Variants in PALLD observed in about 807,000 individuals in gnomAD.
PALLD encodes palladin.
A neutral mutation model predicts 123.5 loss-of-function variants in PALLD; 61 were observed. That is an observed-to-expected ratio of 0.49 (90% CI 0.40 to 0.61). PALLD has a LOEUF of 0.61. PALLD is among the 20% of genes least tolerant of loss of function. The probability of loss-of-function intolerance (pLI) is 0.00; values close to 1 mark genes in which losing one functional copy is unlikely to be tolerated. For missense variants in PALLD, 1,273 were observed against 1,377.0 expected (o/e 0.92, Z 1.20); for synonymous variants, 465 against 496.4 (o/e 0.94, Z 0.84).
chr4:168,893,785 G>T (rs1006792105), intron 11 of PALLD, among the ~76,000 whole-genome samples: 1 of 152,164 alleles, frequency 6.6e-6, no homozygotes, highest in Non-Finnish European at 1.5e-5. Context: ...TAGGTAAAAC[G>T]GTTTGGGCCA....
intron 10 of PALLD, chr4:168,756,332 T>G: frequency 4.2e-6 from 1 of 236,904 alleles, no homozygotes; most frequent in South Asian, 5.4e-5. Context: ...ATCAGAACAT[T>G]TTGGATGGTA....
At chr4:168,767,380 T>C (rs1581371179) in intron 10 of PALLD, among the ~76,000 whole-genome samples, 1 of 152,124 alleles carries the variant, frequency 6.6e-6, no homozygotes, top group East Asian at 1.9e-4. Flanking sequence ...ACAATTAATA[T>C]ATATGCATAG....
At chr4:168,748,669 AACT>A (rs1373728055) in intron 10 of PALLD, among the ~76,000 whole-genome samples, 1 of 152,124 alleles carries the variant, frequency 6.6e-6, no homozygotes, top group Non-Finnish European at 1.5e-5. Context: ...CTGGAGGCTC[AACT>A]GGGGAAGAAT....
At chr4:168,581,195 T>C (rs1482323947) in intron 2 of PALLD, among the ~76,000 whole-genome samples, 1 of 152,230 alleles carries the variant, frequency 6.6e-6, no homozygotes, top group East Asian at 1.9e-4. Flanking sequence ...CTGTTGTAGA[T>C]AACACTACCA....
At chr4:168,626,632 G>A (rs1295661508) in intron 2 of PALLD, among the ~76,000 whole-genome samples, 2 of 150,886 alleles carry the variant, frequency 1.3e-5, no homozygotes, top group Admixed American at 6.6e-5. Context: ...GATCACTGGA[G>A]CCCTGGAGAT....
intron 17 of PALLD, among the ~76,000 whole-genome samples, chr4:168,921,253 A>G (rs1305584701): frequency 6.6e-6 from 1 of 151,756 alleles, no homozygotes; most frequent in Non-Finnish European, 1.5e-5. Context: ...TGAAAATACT[A>G]AAAATTAGGC....
rs146323057 is a variant in PALLD, at chr4:168,761,940, C to G, written c.1964+50017C>G. Among the ~76,000 whole-genome samples the G allele has an allele frequency of 3.6e-3, 546 of 152,118 alleles. 3 individuals carry two copies. The highest frequency in any genetic ancestry group is 0.013 in the African/African-American group (520 of 41,492). On this transcript the variant is annotated intron_variant, in intron 10 of 21. Coordinates refer to ENST00000505667, the MANE Select transcript of PALLD (RefSeq NM_001166108.2). The stretch of plus-strand genomic sequence containing the variant: ...TTAAGTTTTATCACTTTGTAATGCT[C>G]TCTTATTCTTCTCCAAACTCAGTCT...
chr4:168,699,999 T>TA (rs369270731), intron 8 of PALLD: 149 of 250,938 alleles, frequency 5.9e-4, no homozygotes, highest in African/African-American at 3.2e-3. Flanking sequence ...TTCCATTCCT[T>TA]ACCAAAATTT....
chr4:168,868,494 A>G (rs1461587273), intron 10 of PALLD, among the ~76,000 whole-genome samples: 2 of 152,200 alleles, frequency 1.3e-5, no homozygotes, highest in Non-Finnish European at 2.9e-5. Flanking sequence ...ACATTCAACC[A>G]TTGGCCTCAT....
At chr4:168,617,748 C>T (rs546175866) in intron 2 of PALLD, among the ~76,000 whole-genome samples, 2 of 152,144 alleles carry the variant, frequency 1.3e-5, no homozygotes, top group Non-Finnish European at 2.9e-5. Context: ...TACTATGAGG[C>T]TTAAATGCTA....
intron 2 of PALLD, among the ~76,000 whole-genome samples, chr4:168,641,101 G>A (rs1179945687): frequency 4.0e-5 from 6 of 151,852 alleles, no homozygotes; most frequent in African/African-American, 7.3e-5. Flanking sequence ...CCAGCTACTC[G>A]AGAGGCTGAG....
intron 8 of PALLD, among the ~76,000 whole-genome samples, chr4:168,707,119 T>C (rs1581072077): frequency 6.6e-6 from 1 of 152,244 alleles, no homozygotes; most frequent in East Asian, 1.9e-4. Context: ...TGTTTCAGGG[T>C]TTAAAACATA....
intron 10 of PALLD, among the ~76,000 whole-genome samples, chr4:168,809,978 G>A (rs1740836627): frequency 1.3e-5 from 2 of 152,068 alleles, no homozygotes; most frequent in African/African-American, 4.8e-5. Flanking sequence ...ACAATGTGGG[G>A]GCAAGGAGTG....
At chr4:168,784,672 A>C (rs538033541) in intron 10 of PALLD, among the ~76,000 whole-genome samples, 2 of 152,328 alleles carry the variant, frequency 1.3e-5, no homozygotes, top group Non-Finnish European at 2.9e-5. Context: ...TGGAAGAGAC[A>C]AACTGCTGCT....
At chr4:168,909,862 G>A (rs150429906) in intron 15 of PALLD, among the ~76,000 whole-genome samples, 1 of 152,200 alleles carries the variant, frequency 6.6e-6, no homozygotes, top group African/African-American at 2.4e-5. Context: ...ACTGAACTCT[G>A]GGGGTTTTTT....
At chr4:168,733,884 G>A (rs943298139) in intron 10 of PALLD, among the ~76,000 whole-genome samples, 60 of 152,100 alleles carry the variant, frequency 3.9e-4, no homozygotes, top group East Asian at 9.6e-4. Flanking sequence ...ACAGGCGCCC[G>A]CCACCGCACC....
intron 2 of PALLD, among the ~76,000 whole-genome samples, chr4:168,611,996 C>A (rs1197260357): frequency 6.6e-6 from 1 of 152,020 alleles, no homozygotes; most frequent in Non-Finnish European, 1.5e-5. Flanking sequence ...CCCATCTCAA[C>A]AAAAAGTACA....
At chr4:168,759,202 A>AATATATAT (rs147474708) in intron 10 of PALLD, among the ~76,000 whole-genome samples, 62 of 22,198 alleles carry the variant, frequency 2.8e-3, no homozygotes, top group Non-Finnish European at 4.1e-3. Context: ...AAAAAAAAAA[A>AATATATAT]ATATATATAT....
At chr4:168,627,132 T>C (rs1390507690) in intron 2 of PALLD, among the ~76,000 whole-genome samples, 1 of 152,232 alleles carries the variant, frequency 6.6e-6, no homozygotes, top group East Asian at 1.9e-4. Flanking sequence ...TTATTCTTTT[T>C]GAAAGTGGTA....
Sources: gnomAD v4.1 joint callset for allele counts (sites outside exome capture counted in the v4.1 genomes callset) on GRCh38, gnomAD v4.1.1 for gene constraint, MANE v1.5 for transcripts, NCBI Gene and HGNC (gene_info 2026-07-23, HGNC 2026-07-21) for gene names.